TACR3: variants seen among roughly 807,000 people sequenced by gnomAD.
The protein encoded by TACR3 is tachykinin receptor 3, also known as neuromedin-K receptor.
TACR3 carries 34 observed loss-of-function variants against 35.0 expected under a neutral mutation model. The ratio of observed to expected loss-of-function variants is 0.97; its 90% CI spans 0.74 to 1.30. The LOEUF (loss-of-function observed/expected upper bound fraction) is 1.30. TACR3 is among the 50% of genes most tolerant of loss of function. The pLI, the probability that TACR3 is intolerant of heterozygous loss-of-function variation, is 0.00. For synonymous variants in TACR3, 233 were observed against 221.1 expected (o/e 1.05, Z -0.48); for missense variants, 558 against 591.7 (o/e 0.94, Z 0.59).
At chr4:103,591,427 GT>G in intron 4 of TACR3, 59 bp downstream of exon 4, 2 of 1,581,542 alleles carry the variant, frequency 1.3e-6, no homozygotes, top group Non-Finnish European at 1.7e-6. Context: ...GAACAACATT[GT>G]ATGTTTCCAG....
chr4:103,674,652 T>C (rs1473357129), intron 1 of TACR3, among the ~76,000 whole-genome samples: 2 of 152,126 alleles, frequency 1.3e-5, no homozygotes, highest in African/African-American at 4.8e-5. Flanking sequence ...CCCGAGTTCA[T>C]GCCATTCTCC....
At chr4:103,628,349 A>G in intron 3 of TACR3, among the ~76,000 whole-genome samples, 1 of 152,148 alleles carries the variant, frequency 6.6e-6, no homozygotes, top group Admixed American at 6.5e-5. Flanking sequence ...AAATCAATGA[A>G]TCCAGGAGCT....
At chr4:103,657,715 T>G (rs904481154) in intron 2 of TACR3, among the ~76,000 whole-genome samples, 1 of 152,136 alleles carries the variant, frequency 6.6e-6, no homozygotes, top group Non-Finnish European at 1.5e-5. Context: ...ATTATAGCAT[T>G]TGTATTTCCT....
chr4:103,698,551 T>C (rs993736504), intron 1 of TACR3, among the ~76,000 whole-genome samples: 1 of 146,978 alleles, frequency 6.8e-6, no homozygotes, highest in Non-Finnish European at 1.5e-5. Flanking sequence ...CTTTTTTTTC[T>C]TTTTTTGGTA....
At chr4:103,606,385 G>A (rs1218226529) in intron 3 of TACR3, among the ~76,000 whole-genome samples, 1 of 152,132 alleles carries the variant, frequency 6.6e-6, no homozygotes, top group Non-Finnish European at 1.5e-5. Context: ...GTTGGATGGG[G>A]ATGGCATTGA....
chr4:103,680,198 TA>T (rs1284561161), intron 1 of TACR3, among the ~76,000 whole-genome samples: 1 of 151,386 alleles, frequency 6.6e-6, no homozygotes, highest in Non-Finnish European at 1.5e-5. Flanking sequence ...ACATAAACAA[TA>T]AAAAAAGCCC....
chr4:103,710,220 C>T (rs1195036429), intron 1 of TACR3, among the ~76,000 whole-genome samples: 2 of 152,188 alleles, frequency 1.3e-5, no homozygotes, highest in Non-Finnish European at 2.9e-5. Context: ...CTCAGCACCA[C>T]GTTGCACTTA....
intron 3 of TACR3, among the ~76,000 whole-genome samples, chr4:103,598,911 G>A (rs1303956877): frequency 6.6e-6 from 1 of 151,840 alleles, no homozygotes; most frequent in Non-Finnish European, 1.5e-5. Context: ...TTGTTCTTTT[G>A]GCTTAGGACT....
chr4:103,708,787 T>A (rs1159484835), intron 1 of TACR3, among the ~76,000 whole-genome samples: 2 of 152,106 alleles, frequency 1.3e-5, no homozygotes, highest in African/African-American at 2.4e-5. Context: ...CTAACTAGAA[T>A]AACCAGTGTA....
chr4:103,704,531 T>C (rs1475379886), intron 1 of TACR3, among the ~76,000 whole-genome samples: 1 of 152,148 alleles, frequency 6.6e-6, no homozygotes, highest in Non-Finnish European at 1.5e-5. Flanking sequence ...ACATCTTACA[T>C]GGTGGCAGGT....
At chr4:103,640,163 T>C (rs1725321401) in intron 3 of TACR3, among the ~76,000 whole-genome samples, 1 of 152,020 alleles carries the variant, frequency 6.6e-6, no homozygotes. Context: ...CAAGATGTAG[T>C]AGACCAGTAA....
intron 1 of TACR3, among the ~76,000 whole-genome samples, chr4:103,693,746 A>T (rs1467475635): frequency 6.6e-6 from 1 of 152,052 alleles, no homozygotes; most frequent in Non-Finnish European, 1.5e-5. Context: ...TTAGTTATAT[A>T]GTCTTATATA....
chr4:103,595,287 G>C (rs750313851), intron 3 of TACR3, among the ~76,000 whole-genome samples: 8 of 152,116 alleles, frequency 5.3e-5, no homozygotes, highest in Admixed American at 5.2e-4. Context: ...ATCTGGGACA[G>C]AGAAGGTTCA....
chr4:103,719,115 G>A lies in TACR3; in HGVS notation c.548+13C>T. On this transcript the variant is annotated intron_variant, in intron 1 of 4. Transcript: ENST00000304883. ...CCTTCTCCCTCTTTCCTCTCTGTCT[G>A]TCCTCTCCTCACCTGTCCACCGCAA... 6.2e-7 allele frequency: 1 copy of A among 1,613,980 alleles called. No homozygotes were observed. Among genetic ancestry groups the A allele is most frequent in the Non-Finnish European group, 8.5e-7 (1 of 1,179,994 alleles).
rs142488825 is a variant in TACR3, at chr4:103,603,256, T to G, written c.889-11573A>C. On this transcript the variant is annotated intron_variant, in intron 3 of 4. Coordinates refer to ENST00000304883, the MANE Select transcript of TACR3 (RefSeq NM_001059.3). ...TAAGCCCATTGGAAAAGCGAAATAT[T>G]AGGGTGGGAGTGACCCGATTTTCCA... Among the ~76,000 whole-genome samples, 378 of 152,316 alleles carry G rather than the reference T, an allele frequency of 2.5e-3. 1 individual carries two copies. The highest frequency in any genetic ancestry group is 8.7e-3 in the African/African-American group (360 of 41,584).
intron 3 of TACR3, among the ~76,000 whole-genome samples, chr4:103,644,203 C>CTGAT (rs1725413777): frequency 6.6e-6 from 1 of 151,690 alleles, no homozygotes; most frequent in African/African-American, 2.4e-5. Flanking sequence ...GAAGGCTCTC[C>CTGAT]TGATTGCAAG....
At chr4:103,631,755 G>A (rs776240729) in intron 3 of TACR3, among the ~76,000 whole-genome samples, 2 of 152,158 alleles carry the variant, frequency 1.3e-5, no homozygotes, top group Non-Finnish European at 2.9e-5. Context: ...TCTATAAAAT[G>A]AGAAGGTAGT....
intron 3 of TACR3, among the ~76,000 whole-genome samples, chr4:103,607,108 A>C (rs1724392531): frequency 6.6e-6 from 1 of 152,176 alleles, no homozygotes; most frequent in Admixed American, 6.6e-5. Flanking sequence ...GTAATCCAGC[A>C]TATAAACAGA....
Position 103,589,967 on chromosome 4 carries a change from A to G in TACR3, c.1113T>C (p.Phe371=). 1 of 1,613,810 alleles carries G rather than the reference A, an allele frequency of 6.2e-7. No homozygotes were observed. The highest frequency in any genetic ancestry group is 8.5e-7 in the Non-Finnish European group (1 of 1,179,822). ...AAACTTTGATGAAAGGACACCAGCG[A>G]AATGCTCTCTTGAAGCCAGCTCGAA... ...KRFRAGFKRA[F]RWCPFIKVSS... Residue 371 remains phenylalanine (F), a synonymous_variant, in exon 5 of 5, where the codon TTT becomes TTC. Coordinates refer to ENST00000304883, the MANE Select transcript of TACR3 (RefSeq NM_001059.3).
Sources: allele counts gnomAD v4.1 joint callset (sites outside exome capture counted in the v4.1 genomes callset), GRCh38; gene constraint gnomAD v4.1.1; transcripts MANE v1.5; gene names NCBI Gene and HGNC (gene_info 2026-07-23, HGNC 2026-07-21).